GOLPH3: variants seen among roughly 807,000 people sequenced by gnomAD.
GOLPH3 encodes the protein golgi phosphoprotein 3.
A neutral mutation model predicts 28.5 loss-of-function variants in GOLPH3; 14 were observed. The observed-to-expected ratio is 0.49, with a 90% CI of 0.32 to 0.77. The LOEUF (loss-of-function observed/expected upper bound fraction) is 0.77, where lower values mean the gene tolerates loss of function less well. GOLPH3 is among the 30% of genes least tolerant of loss of function. The pLI is 0.03. For synonymous variants in GOLPH3, 158 were observed against 159.2 expected, an observed-to-expected ratio of 0.99 and a Z score of 0.06; for missense variants, 350 against 393.7, an observed-to-expected ratio of 0.89 and a Z score of 0.94.
At chr5:32,150,666 G>A (rs1746284532) in intron 1 of GOLPH3, among the ~76,000 whole-genome samples, 1 of 152,044 alleles carries the variant, frequency 6.6e-6, no homozygotes, top group Admixed American at 6.6e-5. Flanking sequence ...GAAATGTTAT[G>A]GAGTTAAGAT....
chr5:32,145,827 C>CAG (rs923404614), intron 1 of GOLPH3, among the ~76,000 whole-genome samples: 1 of 152,170 alleles, frequency 6.6e-6, no homozygotes, highest in Non-Finnish European at 1.5e-5. Context: ...ATTGGATTCA[C>CAG]ATGGGAAAGT....
chr5:32,137,333 A>T (rs148270763), intron 2 of GOLPH3, among the ~76,000 whole-genome samples: 3 of 151,984 alleles, frequency 2.0e-5, no homozygotes, highest in African/African-American at 4.8e-5. Flanking sequence ...GATTACATAA[A>T]TTTTTTAAAT....
At chr5:32,128,040 T>C (rs1745721377) in intron 3 of GOLPH3, among the ~76,000 whole-genome samples, 1 of 152,008 alleles carries the variant, frequency 6.6e-6, no homozygotes, top group Non-Finnish European at 1.5e-5. Context: ...AGCTGCAGTG[T>C]GCAAAGCAGA....
intron 1 of GOLPH3, among the ~76,000 whole-genome samples, chr5:32,158,100 AAAT>A (rs1402287223): frequency 9.8e-6 from 1 of 102,092 alleles, no homozygotes; most frequent in African/African-American, 4.4e-5. Flanking sequence ...CAAAATAAAT[AAAT>A]AAATAAATAA....
At chr5:32,173,769 C>T (rs1162330612) in intron 1 of GOLPH3, 41 bp downstream of exon 1, 11 of 1,294,448 alleles carry the variant, frequency 8.5e-6, no homozygotes, top group Non-Finnish European at 9.8e-6. Context: ...GGCGCCCGGG[C>T]CCCGCGCCGC....
rs914358731 is a variant in GOLPH3 at position 32,168,998 on chromosome 5, G to A, written c.225+4812C>T. On this transcript the variant is annotated intron_variant, in intron 1 of 3. Transcript: ENST00000265070. ...AACACAACAACAAAAAAAAAAACAG[G>A]TGCGGTGGCTCATGCCTCTAATACC... Among the ~76,000 whole-genome samples, 14 of 151,728 alleles carry A rather than the reference G, an allele frequency of 9.2e-5. No homozygotes were observed. The East Asian group carries it at 2.5e-3, about 27-fold the overall frequency.
Position 32,143,820 on chromosome 5 carries a change from C to G in GOLPH3, c.286G>C (p.Glu96Gln). Residue 96 changes from glutamate (E) to glutamine (Q), a missense_variant, in exon 2 of 4, where the codon GAA becomes CAA. Glu to Gln is a conservative substitution (Grantham distance 29). Coordinates refer to ENST00000265070, the MANE Select transcript of GOLPH3 (RefSeq NM_022130.4). ...SSGLRGCMLI[E>Q]LALRGRLQLE... ...TGTAACCTTCCTCTCAATGCTAATTCAATTAACATACAGCCACGTAATCCA... is the reference window on the plus strand; with the variant it reads ...TGTAACCTTCCTCTCAATGCTAATTGAATTAACATACAGCCACGTAATCCA... 6.3e-7 allele frequency: 1 copy of G among 1,598,002 alleles called. No individual in the cohort carries two copies. The highest frequency in any genetic ancestry group is 8.5e-7 in the Non-Finnish European group (1 of 1,170,818).
intron 3 of GOLPH3, among the ~76,000 whole-genome samples, chr5:32,132,898 C>CTTTTT (rs1238865910): frequency 6.6e-6 from 1 of 151,856 alleles, no homozygotes; most frequent in African/African-American, 2.4e-5. Context: ...ATTTTTTTAA[C>CTTTTT]TTTAAAAAAA....
chr5:32,128,560 G>A (rs1344821742), intron 3 of GOLPH3, among the ~76,000 whole-genome samples: 1 of 152,102 alleles, frequency 6.6e-6, no homozygotes, highest in Non-Finnish European at 1.5e-5. Context: ...TCGGACGGCT[G>A]AGGCAGGAGA....
intron 1 of GOLPH3, among the ~76,000 whole-genome samples, chr5:32,165,416 C>G (rs1193772575): frequency 1.3e-5 from 2 of 152,138 alleles, no homozygotes; most frequent in African/African-American, 4.8e-5. Flanking sequence ...AACCTTGTCT[C>G]TACTAAAAAT....
intron 1 of GOLPH3, among the ~76,000 whole-genome samples, chr5:32,171,253 C>G (rs868041464): frequency 1.4e-4 from 21 of 151,852 alleles, no homozygotes; most frequent in Admixed American, 6.6e-4. Context: ...ATAAAATACA[C>G]TAACACTAGC....
chr5:32,149,760 G>A (rs191698402), intron 1 of GOLPH3, among the ~76,000 whole-genome samples: 159 of 152,282 alleles, frequency 1.0e-3, no homozygotes, highest in African/African-American at 3.8e-3. Context: ...ACTTTAAGAG[G>A]CCGAGGCGGG....
chr5:32,170,663 T>C (rs1388475949), intron 1 of GOLPH3, among the ~76,000 whole-genome samples: 1 of 152,064 alleles, frequency 6.6e-6, no homozygotes, highest in African/African-American at 2.4e-5. Context: ...AAAGACATGA[T>C]GAGTTGGCTT....
intron 2 of GOLPH3, among the ~76,000 whole-genome samples, chr5:32,141,314 C>T (rs1457811712): frequency 6.6e-6 from 1 of 152,102 alleles, no homozygotes; most frequent in African/African-American, 2.4e-5. Flanking sequence ...TTTTGAAACA[C>T]CATGCTCAAG....
At chr5:32,138,133 A>C (rs1745976428) in intron 2 of GOLPH3, among the ~76,000 whole-genome samples, 1 of 152,054 alleles carries the variant, frequency 6.6e-6, no homozygotes, top group African/African-American at 2.4e-5. Flanking sequence ...TGAACTCCTG[A>C]CCTTGTGATC....
intron 2 of GOLPH3, among the ~76,000 whole-genome samples, chr5:32,139,626 T>C (rs1424372378): frequency 6.6e-6 from 1 of 152,222 alleles, no homozygotes; most frequent in Non-Finnish European, 1.5e-5. Flanking sequence ...AAAAATTCAG[T>C]AGTAAGTGTG....
intron 1 of GOLPH3, among the ~76,000 whole-genome samples, chr5:32,152,924 T>C (rs545640126): frequency 2.0e-5 from 3 of 152,312 alleles, no homozygotes; most frequent in African/African-American, 7.2e-5. Context: ...TTTGGGGATC[T>C]AGAAAAATCA....
intron 3 of GOLPH3, among the ~76,000 whole-genome samples, chr5:32,129,113 C>T (rs1183093295): frequency 6.6e-6 from 1 of 152,018 alleles, no homozygotes; most frequent in African/African-American, 2.4e-5. Context: ...ACCCGGGAGG[C>T]GGAGGTTGCA....
rs13161721 is a variant in GOLPH3, at chr5:32,158,062, T to A, written c.226-14182A>T. On this transcript the variant is annotated intron_variant, in intron 1 of 3. Coordinates refer to ENST00000265070, the MANE Select transcript of GOLPH3 (RefSeq NM_022130.4). ...CACACACACACACACACACACACAC[T>A]GGGCAAAATCAGCTTTAAACTCTGT... Among the ~76,000 whole-genome samples, 275 of 34,668 alleles carry A rather than the reference T, an allele frequency of 7.9e-3. 14 individuals carry two copies. The highest frequency in any genetic ancestry group is 0.024 in the African/African-American group (219 of 9,134). The allele number at this position is 34,668 out of a possible 152,430, so 22.7% of individuals were successfully genotyped here.
Sources: allele counts gnomAD v4.1 joint callset (sites outside exome capture counted in the v4.1 genomes callset), GRCh38; gene constraint gnomAD v4.1.1; transcripts MANE v1.5; gene names NCBI Gene and HGNC (gene_info 2026-07-23, HGNC 2026-07-21).